Variants in TECPR2 observed in about 807,000 individuals in gnomAD.
The protein encoded by TECPR2 is tectonin beta-propeller repeat-containing protein 2.
Under a neutral mutation model 138.1 loss-of-function variants are expected in TECPR2, and 65 were observed. The observed-to-expected ratio is 0.47, with a 90% CI of 0.39 to 0.58. The LOEUF is 0.58. Among genes scored for constraint, TECPR2 ranks in the 20% least tolerant of loss-of-function variants. The pLI is 0.00. For synonymous variants in TECPR2, 746 were observed against 749.8 expected, an observed-to-expected ratio of 0.99 and a Z score of 0.08; for missense variants, 1,553 against 1,824.5, an observed-to-expected ratio of 0.85 and a Z score of 2.71.
At position 102,376,641 on chromosome 14, in the gene TECPR2, G is replaced by T; in HGVS notation, c.-72-9G>T. On this transcript the variant is annotated splice_polypyrimidine_tract_variant and intron_variant, in intron 1 of 19. Coordinates refer to ENST00000359520, the MANE Select transcript of TECPR2 (RefSeq NM_014844.5). ...GGCATTGAAAGGATTGTAATGCTTT[G>T]TTCTGTAGCCCCCAGGTTTCCCTAG... 7.7e-7 allele frequency: 1 copy of T among 1,299,280 alleles called. No homozygotes were observed. Among genetic ancestry groups the T allele is most frequent in the Non-Finnish European group, 1.1e-6 (1 of 909,664 alleles). 80.5% of individuals were successfully genotyped at this position (1,299,280 alleles called of 1,614,324 possible).
intron 2 of TECPR2, among the ~76,000 whole-genome samples, chr14:102,385,722 T>G (rs1209655640): frequency 1.3e-5 from 2 of 151,658 alleles, no homozygotes; most frequent in African/African-American, 4.8e-5. Context: ...TAGCTTGAGC[T>G]CAGGAGTTCG....
At position 102,498,132 on chromosome 14, in the gene TECPR2, G is replaced by C. The variant is rs1212130112; in HGVS notation, c.4111G>C (p.Gly1371Arg). ...VTASDELWAV[G>R]PPGYLLQRLT... ...TGCGTCAGATGAGCTGTGGGCTGTG[G>C]GCCCGCCCGGCTACCTCCTCCAACG... Residue 1371 changes from glycine (G) to arginine (R), a missense_variant, in exon 20 of 20, where the codon GGC (glycine) becomes CGC (arginine). Coordinates refer to ENST00000359520, the MANE Select transcript of TECPR2 (RefSeq NM_014844.5). The C allele has an allele frequency of 6.2e-7, 1 of 1,613,408 alleles. No individual in the cohort carries two copies. The highest frequency in any genetic ancestry group is 8.5e-7 in the Non-Finnish European group (1 of 1,180,014).
At chr14:102,370,251 A>C (rs796334809) in intron 1 of TECPR2, among the ~76,000 whole-genome samples, 2 of 151,940 alleles carry the variant, frequency 1.3e-5, no homozygotes, top group African/African-American at 4.8e-5. Context: ...TTTGTGTTTT[A>C]ATAGAGATGA....
chr14:102,374,975 G>A (rs1887607332), intron 1 of TECPR2, among the ~76,000 whole-genome samples: 1 of 152,286 alleles, frequency 6.6e-6, no homozygotes, highest in Non-Finnish European at 1.5e-5. Flanking sequence ...TTACAGACTA[G>A]TGTGTGTGTC....
chr14:102,399,798 T>C (rs1888421899), intron 2 of TECPR2, among the ~76,000 whole-genome samples: 1 of 148,482 alleles, frequency 6.7e-6, no homozygotes, highest in Admixed American at 6.8e-5. Context: ...GCCACTGCGC[T>C]CCAGCCTGGT....
Position 102,461,239 on chromosome 14 carries a change from A to G in TECPR2, c.3641-3902A>G, listed in dbSNP as rs552352568. On this transcript the variant is annotated intron_variant, in intron 16 of 19. Coordinates refer to ENST00000359520, the MANE Select transcript of TECPR2 (RefSeq NM_014844.5). Reference sequence around the variant, plus strand: ...TGTAACATTTCATTTCCCAGTACACATAAATATGCATTATGTCAGGCATTG... The same window carrying G: ...TGTAACATTTCATTTCCCAGTACACGTAAATATGCATTATGTCAGGCATTG... 2.0e-5 allele frequency among the ~76,000 whole-genome samples: 3 copies of G among 152,336 alleles called. No individual in the cohort carries two copies. The South Asian group carries it at 6.2e-4, about 32-fold the overall frequency.
chr14:102,450,258 G>A (rs1173344024), intron 14 of TECPR2, among the ~76,000 whole-genome samples: 2 of 152,170 alleles, frequency 1.3e-5, no homozygotes, highest in East Asian at 3.9e-4. Flanking sequence ...GGCCAGGTCT[G>A]TGAATGTAGA....
chr14:102,459,211 G>A (rs1204641593), intron 16 of TECPR2, among the ~76,000 whole-genome samples: 1 of 152,098 alleles, frequency 6.6e-6, no homozygotes, highest in Non-Finnish European at 1.5e-5. Context: ...GATTACAACT[G>A]CATGCAGCTG....
At chr14:102,436,230 T>A (rs970652122) in intron 9 of TECPR2, among the ~76,000 whole-genome samples, 7 of 152,168 alleles carry the variant, frequency 4.6e-5, no homozygotes, top group Admixed American at 4.6e-4. Context: ...ACTCACCCTC[T>A]GTGCTGTCAT....
At chr14:102,426,830 G>T (rs1889334567) in intron 6 of TECPR2, among the ~76,000 whole-genome samples, 1 of 152,168 alleles carries the variant, frequency 6.6e-6, no homozygotes, top group South Asian at 2.1e-4. Flanking sequence ...CTGCACTCCA[G>T]CCTGGGTGAC....
intron 2 of TECPR2, among the ~76,000 whole-genome samples, chr14:102,387,043 C>T (rs563603282): frequency 2.2e-4 from 34 of 151,932 alleles, no homozygotes; most frequent in African/African-American, 8.2e-4. Flanking sequence ...ATGTCCAAGT[C>T]GAAAGTTAAA....
At chr14:102,446,785 A>T (rs1414791583) in intron 13 of TECPR2, among the ~76,000 whole-genome samples, 1 of 152,290 alleles carries the variant, frequency 6.6e-6, no homozygotes, top group Middle Eastern at 3.4e-3. Flanking sequence ...AATAATTTGC[A>T]AACTCTTTGT....
chr14:102,407,598 T>G lies in TECPR2; in HGVS notation c.348+132T>G. 1.8e-5 allele frequency: 22 copies of G among 1,238,786 alleles called. No individual in the cohort carries two copies. In the South Asian group the frequency reaches 3.5e-4, roughly 20 times the overall value. 76.7% of individuals were successfully genotyped at this position (1,238,786 alleles called of 1,614,324 possible). ...CGGGCACGACTTTCTCTGCCCAGGCTCATGCCTGTAATCCCAGTACTTTGG... is the reference window on the plus strand; with the variant it reads ...CGGGCACGACTTTCTCTGCCCAGGCGCATGCCTGTAATCCCAGTACTTTGG... On this transcript the variant is annotated intron_variant, in intron 3 of 19. Coordinates refer to ENST00000359520, the MANE Select transcript of TECPR2 (RefSeq NM_014844.5).
chr14:102,454,391 C>T (rs1890226748), intron 16 of TECPR2, among the ~76,000 whole-genome samples: 1 of 152,208 alleles, frequency 6.6e-6, no homozygotes, highest in African/African-American at 2.4e-5. Flanking sequence ...TGAACACTAA[C>T]TCAGCTGAAG....
rs753140257 is a variant in TECPR2, at chr14:102,440,618, G to T, written c.2752+9G>T. On this transcript the variant is annotated intron_variant, in intron 11 of 19. Transcript: ENST00000359520. ...CCTATACTTGCAGACAGGTAACCGC[G>T]GGCCACGCTTAGAGGCCTGCCAGCT... 4.3e-6 allele frequency: 7 copies of T among 1,611,390 alleles called. No individual in the cohort carries two copies.
chr14:102,497,650 G>A lies in TECPR2; in HGVS notation c.4012G>A (p.Gly1338Ser), dbSNP rs776587582. The change falls in exon 19 of 20, where the codon GGC (glycine) becomes AGC (serine). Residue 1338 changes from glycine to serine, a missense_variant. Transcript: ENST00000359520. ...CPNGDLARRY[G>S]VTDKNPAGDY... The stretch of plus-strand genomic sequence containing the variant: ...AAACGGAGACCTCGCCCGGCGGTAC[G>A]GCGTCACAGACAAGAACCCCGCCGG... 59 of 1,609,232 alleles carry A rather than the reference G, an allele frequency of 3.7e-5. No individual in the cohort carries two copies. The highest frequency in any genetic ancestry group is 1.7e-4 in the Middle Eastern group (1 of 6,048).
intron 17 of TECPR2, among the ~76,000 whole-genome samples, chr14:102,475,728 C>T (rs982698361): frequency 6.6e-6 from 1 of 151,950 alleles, no homozygotes; most frequent in African/African-American, 2.4e-5. Flanking sequence ...TAACATTTAC[C>T]CAACAAGCAG....
At chr14:102,393,265 A>G (rs538729354) in intron 2 of TECPR2, among the ~76,000 whole-genome samples, 81 of 152,304 alleles carry the variant, frequency 5.3e-4, no homozygotes, top group Non-Finnish European at 1.0e-3. Context: ...TATTGCACTC[A>G]GCATTGCCAG....
intron 9 of TECPR2, chr14:102,436,944 T>C (rs1567341226): frequency 1.0e-6 from 1 of 974,518 alleles, no homozygotes; most frequent in Non-Finnish European, 1.2e-6. Context: ...GCCAGAAATT[T>C]AGGAAAGCCC....
Sources: gnomAD v4.1 joint callset for allele counts (sites outside exome capture counted in the v4.1 genomes callset) on GRCh38, gnomAD v4.1.1 for gene constraint, MANE v1.5 for transcripts, NCBI Gene and HGNC (gene_info 2026-07-23, HGNC 2026-07-21) for gene names.